The following TRPV1 variants were observed in gnomAD, a reference collection of about 807,000 sequenced individuals.
TRPV1 encodes the protein transient receptor potential cation channel subfamily V member 1.
TRPV1 carries 82 observed loss-of-function variants against 82.3 expected under a neutral mutation model. That is an observed-to-expected ratio of 1.00 (90% CI 0.83 to 1.20). The LOEUF is 1.20. Among genes scored for constraint, TRPV1 ranks in the 50% most tolerant of loss-of-function variants. The probability of loss-of-function intolerance (pLI) is 0.00; values close to 1 mark genes in which losing one functional copy is unlikely to be tolerated. For missense variants in TRPV1, 1,067 were observed against 1,096.8 expected, an observed-to-expected ratio of 0.97 and a Z score of 0.38; for synonymous variants, 515 against 467.7, an observed-to-expected ratio of 1.10 and a Z score of -1.30.
At position 3,591,216 on chromosome 17, in the gene TRPV1, T is replaced by G. The variant is rs1380212788; in HGVS notation, c.422A>C (p.Lys141Thr). 1 of 1,612,164 alleles carries G rather than the reference T, an allele frequency of 6.2e-7. No individual in the cohort carries two copies. Among genetic ancestry groups the G allele is most frequent in the Non-Finnish European group, 8.5e-7 (1 of 1,179,346 alleles). The change falls in exon 4 of 17, where the codon AAG becomes ACG. Residue 141 changes from lysine (K) to threonine (T), a missense_variant. By Grantham distance (78) the Lys-to-Thr change is moderately conservative. Coordinates refer to ENST00000572705, the MANE Select transcript of TRPV1 (RefSeq NM_080704.4). ...ESLLLFLQKSKKHLTDNEFKD... is the reference protein window; with the variant it reads ...ESLLLFLQKSTKHLTDNEFKD... Reference sequence around the variant, plus strand: ...GAACTCGTTGTCTGTGAGGTGCTTCTTGCTCTTCTGCAGGAAGAGCAGCAG... The same window carrying G: ...GAACTCGTTGTCTGTGAGGTGCTTCGTGCTCTTCTGCAGGAAGAGCAGCAG...
chr17:3,573,121 C>T (rs1049327297), intron 14 of TRPV1, among the ~76,000 whole-genome samples: 2 of 151,726 alleles, frequency 1.3e-5, no homozygotes, highest in South Asian at 2.1e-4. Context: ...TTCATAAGAA[C>T]GAAACTTATT....
At chr17:3,606,190 G>A (rs1398100189) in intron 2 of TRPV1, among the ~76,000 whole-genome samples, 1 of 152,184 alleles carries the variant, frequency 6.6e-6, no homozygotes, top group African/African-American at 2.4e-5. Context: ...CGGAACTCCT[G>A]ACCTCAAGTG....
At position 3,566,821 on chromosome 17, in the gene TRPV1, C is replaced by G; in HGVS notation, c.2514G>C (p.Glu838Asp). 6.2e-7 allele frequency: 1 copy of G among 1,613,708 alleles called. No individual in the cohort carries two copies. The highest frequency in any genetic ancestry group is 2.2e-5 in the East Asian group (1 of 44,878). Residue 838 changes from glutamate to aspartate, a missense_variant, in exon 17 of 17, where the codon GAG (glutamate) becomes GAC (aspartate). Glu to Asp is a conservative substitution (Grantham distance 45). Transcript: ENST00000572705. ...TGCTGTCTGCGTGACGTCCTCACTT[C>G]TCCCCGGAAGCGGCAGGACTCTTGA... Reference protein sequence around the residue: ...EVFKSPAASGEK With the variant: ...EVFKSPAASGDK
At chr17:3,604,036 C>T (rs1451162739) in intron 2 of TRPV1, among the ~76,000 whole-genome samples, 1 of 152,244 alleles carries the variant, frequency 6.6e-6, no homozygotes, top group Non-Finnish European at 1.5e-5. Context: ...AGGCCAGGGG[C>T]TCTGGGGCCA....
Position 3,591,020 on chromosome 17 carries a change from T to G in TRPV1, c.548A>C (p.Gln183Pro). Residue 183 changes from glutamine (Q) to proline (P), a missense_variant, in exon 5 of 17, where the codon CAA (glutamine) becomes CCA (proline). Transcript: ENST00000572705. The part of the protein sequence containing the change: ...TIPLLLEIAR[Q>P]TDSLKELVNA... Reference sequence around the variant, plus strand: ...GACAAGCTCCTTCAGGCTGTCCGTTTGCCGCGCGATCTCCAGGAGCAGGGG... The same window carrying G: ...GACAAGCTCCTTCAGGCTGTCCGTTGGCCGCGCGATCTCCAGGAGCAGGGG... The G allele has an allele frequency of 1.2e-6, 2 of 1,611,872 alleles. No individual in the cohort carries two copies. Among genetic ancestry groups the G allele is most frequent in the Non-Finnish European group, 1.7e-6 (2 of 1,179,196 alleles).
chr17:3,585,675 C>G (rs1772911212), intron 9 of TRPV1, 93 bp downstream of exon 9: 3 of 1,467,632 alleles, frequency 2.0e-6, no homozygotes, highest in Non-Finnish European at 2.8e-6. Flanking sequence ...AGGGCAGAGC[C>G]TGGGCCTGGG....
Position 3,588,300 on chromosome 17 carries a change from G to A in TRPV1, c.1112C>T (p.Thr371Ile), listed in dbSNP as rs769819440. The change falls in exon 8 of 17, where the codon ACC (threonine) becomes ATC (isoleucine). Residue 371 changes from threonine (T) to isoleucine (I), a missense_variant. Coordinates refer to ENST00000572705, the MANE Select transcript of TRPV1 (RefSeq NM_080704.4). The stretch of plus-strand genomic sequence containing the variant: ...GTGCACGGGCCCGTAGGCCCACTCG[G>A]TGAACTTCCTGGACAGGTGCCTGCA... ...PECRHLSRKF[T>I]EWAYGPVHSS... 3.8e-6 allele frequency: 6 copies of A among 1,574,206 alleles called. No homozygotes were observed. The South Asian group carries it at 7.0e-5, about 18-fold the overall frequency.
chr17:3,586,968 C>T (rs2075092993), intron 8 of TRPV1, among the ~76,000 whole-genome samples: 1 of 152,110 alleles, frequency 6.6e-6, no homozygotes, highest in African/African-American at 2.4e-5. Context: ...CTCAAGAGGC[C>T]TATGGAGACT....
At chr17:3,591,384 C>A (rs200802613) in intron 3 of TRPV1, 31 bp from the exon 4 acceptor site, 8 of 1,536,836 alleles carry the variant, frequency 5.2e-6, no homozygotes, top group African/African-American at 1.4e-5. Flanking sequence ...TCGTCTCATA[C>A]CCTGGCCTCC....
chr17:3,590,523 C>G (rs2075144042), intron 5 of TRPV1, 131 bp from the exon 6 acceptor site: 2 of 1,383,458 alleles, frequency 1.4e-6, no homozygotes, highest in Non-Finnish European at 1.9e-6. Flanking sequence ...CTGGAGGACC[C>G]CCCCACTGCA....
At chr17:3,598,123 G>A (rs1407383280) in intron 2 of TRPV1, among the ~76,000 whole-genome samples, 1 of 152,252 alleles carries the variant, frequency 6.6e-6, no homozygotes, top group Admixed American at 6.5e-5. Context: ...GAGAAAAACA[G>A]TGAGGTCTAG....
chr17:3,581,163 T>A (rs896270788), intron 10 of TRPV1, among the ~76,000 whole-genome samples: 5 of 150,996 alleles, frequency 3.3e-5, no homozygotes, highest in East Asian at 3.9e-4. Flanking sequence ...AATTTTTTTT[T>A]AAGAGATCAG....
chr17:3,573,071 C>T (rs1466012029), intron 14 of TRPV1, among the ~76,000 whole-genome samples: 1 of 151,136 alleles, frequency 6.6e-6, no homozygotes, highest in African/African-American at 2.4e-5. Context: ...TCAGGTGAGA[C>T]AGACACTTAG....
intron 2 of TRPV1, among the ~76,000 whole-genome samples, chr17:3,606,053 G>C (rs1216540637): frequency 6.6e-6 from 1 of 152,138 alleles, no homozygotes; most frequent in African/African-American, 2.4e-5. Flanking sequence ...CCGCCTTCCA[G>C]GCTCAAGCGA....
intron 10 of TRPV1, among the ~76,000 whole-genome samples, chr17:3,582,107 G>A (rs224529): frequency 0.99 from 139,957 of 141,128 alleles, 69,393 homozygotes; most frequent in African/African-American, 1. Flanking sequence ...GGAGAATGGC[G>A]TGAACCCAGG....
rs770116540 is a variant in TRPV1, at chr17:3,585,810, G to T, written c.1341C>A (p.Ile447=). The change falls in exon 9 of 17, where the codon ATC becomes ATA. Residue 447 remains isoleucine (I), a synonymous_variant. Coordinates refer to ENST00000572705, the MANE Select transcript of TRPV1 (RefSeq NM_080704.4). ...TGTAGTAGGCAGCCATGGTGAAGAT[G>T]ATCATGTACAGGCAGTAGACCAGGA... ...FNFLVYCLYM[I]IFTMAAYYRP... is the part of the protein sequence containing the mutation. The T allele has an allele frequency of 1.2e-6, 2 of 1,613,810 alleles. No homozygotes were observed. Among genetic ancestry groups the T allele is most frequent in the Admixed American group, 3.3e-5 (2 of 59,976 alleles).
At chr17:3,569,529 C>T (rs992303758) in intron 16 of TRPV1, among the ~76,000 whole-genome samples, 1 of 152,190 alleles carries the variant, frequency 6.6e-6, no homozygotes, top group Non-Finnish European at 1.5e-5. Flanking sequence ...GACATTTCCC[C>T]AACTACAACG....
At chr17:3,583,548 G>T in intron 9 of TRPV1, 118 bp from the exon 10 acceptor site, 2 of 824,464 alleles carry the variant, frequency 2.4e-6, no homozygotes, top group Non-Finnish European at 1.9e-6. Flanking sequence ...TCAGGGGAAG[G>T]ACACACAAAG....
chr17:3,571,507 C>T lies in TRPV1; in HGVS notation c.2347+17G>A, dbSNP rs200632678. On this transcript the variant is annotated intron_variant, in intron 16 of 16. Transcript: ENST00000572705. ...CACCAGCCAAGGAGGCGCCAAGCAC[C>T]GGCCCTCACGCCTCACCTCTGCTTG... The T allele has an allele frequency of 3.6e-4, 557 of 1,560,874 alleles. 2 individuals are homozygous for T. The African/African-American group carries it at 6.8e-3, about 19-fold the overall frequency.
Sources: gnomAD v4.1 joint callset for allele counts (sites outside exome capture counted in the v4.1 genomes callset) on GRCh38, gnomAD v4.1.1 for gene constraint, MANE v1.5 for transcripts, NCBI Gene and HGNC (gene_info 2026-07-23, HGNC 2026-07-21) for gene names.